The following ZNF804A variants were observed in gnomAD, a reference collection of about 807,000 sequenced individuals.
ZNF804A encodes zinc finger protein 804A.
In ZNF804A, 2 loss-of-function variants were observed where a neutral mutation model predicts 16.5. That is an observed-to-expected ratio of 0.12 (90% confidence interval 0.05 to 0.38). The LOEUF (loss-of-function observed/expected upper bound fraction) is 0.38, where lower values mean the gene tolerates loss of function less well. Ranked by LOEUF, ZNF804A falls within the 10% of genes least tolerant of loss-of-function variation. The pLI is 0.99. For missense variants in ZNF804A, 1,473 were observed against 1,390.7 expected (o/e 1.06, Z -0.94); for synonymous variants, 534 against 489.6 (o/e 1.09, Z -1.20).
rs1684795957 is a variant in ZNF804A, at chr2:184,880,595, G to A, written c.255+14083G>A. On this transcript the variant is annotated intron_variant, in intron 2 of 3. Transcript: ENST00000302277. ...TTAGTAATCAATTATTCTGTGGACAGACAACTTTTTTTTGAGATCTCATGT... is the reference window on the plus strand; with the variant it reads ...TTAGTAATCAATTATTCTGTGGACAAACAACTTTTTTTTGAGATCTCATGT... 7.2e-5 allele frequency among the ~76,000 whole-genome samples: 11 copies of A among 152,032 alleles called. No individual in the cohort carries two copies. In the South Asian group the frequency reaches 2.3e-3, roughly 31 times the overall value.
intron 1 of ZNF804A, among the ~76,000 whole-genome samples, chr2:184,843,887 G>A (rs1695474872): frequency 6.6e-6 from 1 of 151,878 alleles, no homozygotes; most frequent in Non-Finnish European, 1.5e-5. Flanking sequence ...AGTGATTATT[G>A]GTATAGTTGG....
At chr2:184,834,864 G>T (rs1695319387) in intron 1 of ZNF804A, among the ~76,000 whole-genome samples, 1 of 151,904 alleles carries the variant, frequency 6.6e-6, no homozygotes. Context: ...TTAAATCCCT[G>T]GATTATGCAA....
chr2:184,643,593 G>T (rs916477847), intron 1 of ZNF804A, among the ~76,000 whole-genome samples: 1 of 151,740 alleles, frequency 6.6e-6, no homozygotes, highest in Non-Finnish European at 1.5e-5. Flanking sequence ...CCATAGTTAA[G>T]AATGCAGAAT....
chr2:184,753,874 G>T (rs1484490455), intron 1 of ZNF804A, among the ~76,000 whole-genome samples: 1 of 151,760 alleles, frequency 6.6e-6, no homozygotes, highest in African/African-American at 2.4e-5. Context: ...GACTAGGCTT[G>T]CCAGATTACA....
chr2:184,626,422 T>A (rs148025114), intron 1 of ZNF804A, among the ~76,000 whole-genome samples: 1 of 152,186 alleles, frequency 6.6e-6, no homozygotes. Context: ...TTTGTATGCT[T>A]ACTACTTGAT....
chr2:184,702,327 C>A (rs986200560), intron 1 of ZNF804A, among the ~76,000 whole-genome samples: 1 of 151,952 alleles, frequency 6.6e-6, no homozygotes, highest in African/African-American at 2.4e-5. Flanking sequence ...AATTTACATG[C>A]AAGAAACTGA....
rs750860993 is a variant in ZNF804A, at chr2:184,937,854, C to T, written c.2458C>T (p.His820Tyr). ...KKRRRKRGRF[H>Y]PGFETLELKE... ...ACGGAGGCGAAAAAGAGGCAGATTC[C>T]ACCCCGGATTTGAAACTTTAGAACT... Residue 820 changes from histidine (H) to tyrosine (Y), a missense_variant, in exon 4 of 4, where the codon CAC (histidine) becomes TAC (tyrosine). Coordinates refer to ENST00000302277, the MANE Select transcript of ZNF804A (RefSeq NM_194250.2). The T allele has an allele frequency of 1.5e-5, 25 of 1,614,106 alleles. No homozygotes were observed. In the South Asian group the frequency reaches 2.7e-4, roughly 18 times the overall value.
intron 1 of ZNF804A, among the ~76,000 whole-genome samples, chr2:184,769,744 A>C (rs2105767890): frequency 6.6e-6 from 1 of 152,148 alleles, no homozygotes; most frequent in Admixed American, 6.6e-5. Flanking sequence ...TTCCTCAGAA[A>C]TATGAAGGTA....
At chr2:184,930,091 AT>A (rs1274963396) in intron 2 of ZNF804A, among the ~76,000 whole-genome samples, 1 of 152,202 alleles carries the variant, frequency 6.6e-6, no homozygotes, top group African/African-American at 2.4e-5. Context: ...ATTAAAAAAA[AT>A]CTCAGCCTTT....
intron 1 of ZNF804A, among the ~76,000 whole-genome samples, chr2:184,654,390 A>T (rs757455112): frequency 6.6e-6 from 1 of 152,142 alleles, no homozygotes; most frequent in African/African-American, 2.4e-5. Flanking sequence ...GGCAAAAAAA[A>T]TTGGGAAGGT....
At chr2:184,614,047 A>G (rs1574131845) in intron 1 of ZNF804A, among the ~76,000 whole-genome samples, 1 of 152,304 alleles carries the variant, frequency 6.6e-6, no homozygotes, top group Non-Finnish European at 1.5e-5. Flanking sequence ...CTACAAGACT[A>G]CAGTAACCAA....
intron 1 of ZNF804A, among the ~76,000 whole-genome samples, chr2:184,788,492 G>A (rs1694484944): frequency 6.6e-6 from 1 of 151,784 alleles, no homozygotes; most frequent in Admixed American, 6.6e-5. Flanking sequence ...TGCATTTGCT[G>A]GTGTTGTCTA....
At chr2:184,875,113 T>C (rs1031412513) in intron 2 of ZNF804A, among the ~76,000 whole-genome samples, 1 of 152,182 alleles carries the variant, frequency 6.6e-6, no homozygotes, top group African/African-American at 2.4e-5. Flanking sequence ...AAAGCAGCAA[T>C]GTTTTTGGAT....
At chr2:184,638,623 T>C (rs1262500758) in intron 1 of ZNF804A, among the ~76,000 whole-genome samples, 1 of 152,232 alleles carries the variant, frequency 6.6e-6, no homozygotes, top group Admixed American at 6.5e-5. Context: ...ATGTATAACT[T>C]ACTAGATTTT....
intron 1 of ZNF804A, among the ~76,000 whole-genome samples, chr2:184,676,032 C>G (rs552464085): frequency 6.6e-6 from 1 of 151,680 alleles, no homozygotes; most frequent in Non-Finnish European, 1.5e-5. Context: ...TTTATGACTT[C>G]TACTCACATT....
intron 1 of ZNF804A, among the ~76,000 whole-genome samples, chr2:184,633,720 A>G (rs2105688297): frequency 6.6e-6 from 1 of 152,212 alleles, no homozygotes; most frequent in East Asian, 1.9e-4. Context: ...GCGTTTTTGT[A>G]AACATAAAAT....
At chr2:184,692,320 C>T (rs1024996538) in intron 1 of ZNF804A, among the ~76,000 whole-genome samples, 6 of 152,110 alleles carry the variant, frequency 3.9e-5, no homozygotes, top group African/African-American at 9.7e-5. Flanking sequence ...CTAGGACTAG[C>T]GCCATGTGTT....
At chr2:184,863,662 T>C (rs998140225) in intron 1 of ZNF804A, among the ~76,000 whole-genome samples, 1 of 152,156 alleles carries the variant, frequency 6.6e-6, no homozygotes, top group African/African-American at 2.4e-5. Flanking sequence ...TAGTTTACCA[T>C]GAAATTTCTG....
At position 184,676,425 on chromosome 2, in the gene ZNF804A, A is replaced by C. The variant is rs888784225; in HGVS notation, c.111+77355A>C. Among the ~76,000 whole-genome samples the C allele has an allele frequency of 3.3e-5, 5 of 151,640 alleles. No individual in the cohort carries two copies. The East Asian group carries it at 9.6e-4, about 29-fold the overall frequency. Reference sequence around the variant, plus strand: ...CTATTCTGGATTTTGTATATTTGTAAAAAATAGTTTAACATATTATCAAGG... The same window carrying C: ...CTATTCTGGATTTTGTATATTTGTACAAAATAGTTTAACATATTATCAAGG... On this transcript the variant is annotated intron_variant, in intron 1 of 3. Coordinates refer to ENST00000302277, the MANE Select transcript of ZNF804A (RefSeq NM_194250.2).
Sources: gnomAD v4.1 joint callset for allele counts (sites outside exome capture counted in the v4.1 genomes callset) on GRCh38, gnomAD v4.1.1 for gene constraint, MANE v1.5 for transcripts, NCBI Gene and HGNC (gene_info 2026-07-23, HGNC 2026-07-21) for gene names.